The following HOXA2 variants were observed in gnomAD, a reference collection of about 807,000 sequenced individuals.
HOXA2 encodes homeobox protein Hox-A2.
A neutral mutation model predicts 27.2 loss-of-function variants in HOXA2; 4 were observed. The observed-to-expected ratio is 0.15, with a 90% CI of 0.07 to 0.34. The LOEUF is 0.34. Among genes scored for constraint, HOXA2 ranks in the 10% least tolerant of loss-of-function variants. The pLI, the probability that HOXA2 is intolerant of heterozygous loss-of-function variation, is 1.00. For missense variants in HOXA2, 430 were observed against 473.2 expected (o/e 0.91, Z 0.85); for synonymous variants, 200 against 202.8 (o/e 0.99, Z 0.12).
chr7:27,101,329 A>G lies in HOXA2; in HGVS notation c.528T>C (p.Ile176=). The G allele has an allele frequency of 6.2e-7, 1 of 1,614,014 alleles. No individual in the cohort carries two copies. Residue 176 remains isoleucine, a synonymous_variant, in exon 2 of 2, where the codon ATT becomes ATC. Transcript: ENST00000222718. ...KYLCRPRRVE[I]AALLDLTERQ... The stretch of plus-strand genomic sequence containing the variant: ...TCTCAGTCAAATCCAGCAGCGCTGC[A>G]ATCTCCACCCTTCGGGGTCTGCAAA...
chr7:27,102,315 G>T lies in HOXA2; in HGVS notation c.186C>A (p.Gly62=). The T allele has an allele frequency of 6.2e-7, 1 of 1,613,136 alleles. No individual in the cohort carries two copies. The highest frequency in any genetic ancestry group is 2.2e-5 in the East Asian group (1 of 44,796). The part of the protein sequence containing the change: ...FEQTIPSLNP[G]SHPRHGAGGR... Reference sequence around the variant, plus strand: ...CGCCAGCGCCGTGGCGAGGGTGACTGCCGGGGTTCAGGCTGGGAATGGTCT... The same window carrying T: ...CGCCAGCGCCGTGGCGAGGGTGACTTCCGGGGTTCAGGCTGGGAATGGTCT... The change falls in exon 1 of 2, where the codon GGC becomes GGA. Residue 62 remains glycine (G), a synonymous_variant. Transcript: ENST00000222718. The surrounding 1 kb of genome is among the most constrained non-coding windows in gnomAD (Gnocchi z 4.6).
Position 27,100,690 on chromosome 7 carries a change from TTTTG to T in HOXA2, c.*32_*35del, listed in dbSNP as rs1562702848. On this transcript the variant is annotated 3_prime_UTR_variant, in exon 2 of 2. Coordinates refer to ENST00000222718, the MANE Select transcript of HOXA2 (RefSeq NM_006735.4). ...GGCAAAACCACCTGGTCAAAGGAGT[TTTTG>T]TTTGGTGATGCTTTGTTTTGCTTTA... 1 of 1,612,706 alleles carries T rather than the reference TTTTG, an allele frequency of 6.2e-7. No homozygotes were observed. Among genetic ancestry groups the T allele is most frequent in the African/African-American group, 1.3e-5 (1 of 74,800 alleles).
intron 1 of HOXA2, 97 bp from the exon 2 acceptor site, chr7:27,101,562 A>T: frequency 7.1e-7 from 1 of 1,408,830 alleles, no homozygotes; most frequent in Non-Finnish European, 9.8e-7. Context: ...AGCAGAAAAG[A>T]TCAACTGCAA....
Position 27,101,225 on chromosome 7 carries a change from T to C in HOXA2, c.632A>G (p.Glu211Gly), listed in dbSNP as rs1783920930. The C allele has an allele frequency of 1.2e-6, 2 of 1,614,214 alleles. No homozygotes were observed. The highest frequency in any genetic ancestry group is 1.7e-6 in the Non-Finnish European group (2 of 1,180,034). ...QTQCKENQNS[E>G]GKCKSLEDSE... is the part of the protein sequence containing the mutation. ...GTCCTCAAGGCTTTTACATTTCCCTTCGCTGTTTTGGTTTTCCTTGCACTG... is the reference window on the plus strand; with the variant it reads ...GTCCTCAAGGCTTTTACATTTCCCTCCGCTGTTTTGGTTTTCCTTGCACTG... Residue 211 changes from glutamate to glycine, a missense_variant, in exon 2 of 2, where the codon GAA becomes GGA. Glu to Gly is a moderately conservative substitution (Grantham distance 98). Around this residue, in one of 4 missense-constraint regions of HOXA2, gnomAD observed 236 missense variants for 208.5 expected, o/e 1.13. Transcript: ENST00000222718.
In HOXA2 at chr7:27,100,723, T is replaced by A; in HGVS notation, c.*3A>T. On this transcript the variant is annotated 3_prime_UTR_variant, in exon 2 of 2. Coordinates refer to ENST00000222718, the MANE Select transcript of HOXA2 (RefSeq NM_006735.4). Reference sequence around the variant, plus strand: ...GGTGATGCTTTGTTTTGCTTTAATGTTTTTAGTAATTCAGATGCTGCAAGT... The same window carrying A: ...GGTGATGCTTTGTTTTGCTTTAATGATTTTAGTAATTCAGATGCTGCAAGT... 1.2e-6 allele frequency: 2 copies of A among 1,614,160 alleles called. No homozygotes were observed. Among genetic ancestry groups the A allele is most frequent in the Non-Finnish European group, 1.7e-6 (2 of 1,180,034 alleles).
chr7:27,101,718 A>G (rs1212784363), intron 1 of HOXA2: 2 of 658,412 alleles, frequency 3.0e-6, no homozygotes, highest in Non-Finnish European at 5.5e-6. Context: ...ACTTTATATT[A>G]GCCACAACAC....
At position 27,100,980 on chromosome 7, in the gene HOXA2, T is replaced by G. The variant is rs754800647; in HGVS notation, c.877A>C (p.Thr293Pro). Residue 293 changes from threonine (T) to proline (P), a missense_variant, in exon 2 of 2, where the codon ACT becomes CCT. Thr to Pro is a conservative substitution (Grantham distance 38). Coordinates refer to ENST00000222718, the MANE Select transcript of HOXA2 (RefSeq NM_006735.4). ...NLKHFQHQSP[T>P]VPNCLSTMGQ... ...ATTGTTGACAAGCAGTTGGGAACAGTGGGTGACTGGTGCTGAAAATGTTTC... is the reference window on the plus strand; with the variant it reads ...ATTGTTGACAAGCAGTTGGGAACAGGGGGTGACTGGTGCTGAAAATGTTTC... 6 of 1,614,098 alleles carry G rather than the reference T, an allele frequency of 3.7e-6. No homozygotes were observed. The highest frequency in any genetic ancestry group is 4.2e-6 in the Non-Finnish European group (5 of 1,180,046).
At position 27,102,549 on chromosome 7, in the gene HOXA2, G is replaced by T. The variant is rs987720784; in HGVS notation, c.-49C>A. 18 of 1,583,506 alleles carry T rather than the reference G, an allele frequency of 1.1e-5. No individual in the cohort carries two copies. The highest frequency in any genetic ancestry group is 1.5e-5 in the Non-Finnish European group (17 of 1,158,604). On this transcript the variant is annotated 5_prime_UTR_variant, in exon 1 of 2. Coordinates refer to ENST00000222718, the MANE Select transcript of HOXA2 (RefSeq NM_006735.4). The surrounding 1 kb of genome is among the most constrained non-coding windows in gnomAD (Gnocchi z 4.6). ...AGAGAAAAAGTTCCCTCTTTTGGAG[G>T]GGCTTTGGGGGGGCAAGGCCTAGGA... is the stretch of plus-strand genomic sequence containing the variant.
chr7:27,100,689 T>C lies in HOXA2; in HGVS notation c.*37A>G, dbSNP rs1376127059. The C allele has an allele frequency of 1.9e-6, 3 of 1,610,710 alleles. No individual in the cohort carries two copies. The highest frequency in any genetic ancestry group is 2.5e-6 in the Non-Finnish European group (3 of 1,178,392). ...AGGCAAAACCACCTGGTCAAAGGAG[T>C]TTTTGTTTGGTGATGCTTTGTTTTG... On this transcript the variant is annotated 3_prime_UTR_variant, in exon 2 of 2. Coordinates refer to ENST00000222718, the MANE Select transcript of HOXA2 (RefSeq NM_006735.4).
Position 27,100,773 on chromosome 7 carries a change from A to G in HOXA2, c.1084T>C (p.Phe362Leu), listed in dbSNP as rs1447596337. 1.2e-6 allele frequency: 2 copies of G among 1,614,198 alleles called. No homozygotes were observed. ...TCGATTGTGGTGAGTGTGTCTGTAAAAAAGTCTAAGCTGTCAGCTGAAATA... is the reference window on the plus strand; with the variant it reads ...TCGATTGTGGTGAGTGTGTCTGTAAGAAAGTCTAAGCTGTCAGCTGAAATA... ...VDISADSLDF[F>L]TDTLTTIDLQ... Residue 362 changes from phenylalanine to leucine, a missense_variant, in exon 2 of 2, where the codon TTT becomes CTT. Phe to Leu is a conservative substitution (Grantham distance 22, BLOSUM62 0). This residue lies in a region of HOXA2 where 236 missense variants were observed against 208.5 expected (regional missense o/e 1.13). Transcript: ENST00000222718.
In HOXA2 at chr7:27,101,419, C is replaced by G; in HGVS notation, c.438G>C (p.Leu146=). ...ADGSGGGSRR[L]RTAYTNTQLL... ...GCTGTGTGTTGGTGTAAGCAGTTCT[C>G]AGGCGCCGCGATCCCCCGCCGCTGC... The change falls in exon 2 of 2, where the codon CTG becomes CTC. Residue 146 remains leucine, a synonymous_variant. Coordinates refer to ENST00000222718, the MANE Select transcript of HOXA2 (RefSeq NM_006735.4). 1 of 1,601,854 alleles carries G rather than the reference C, an allele frequency of 6.2e-7. No individual in the cohort carries two copies. The highest frequency in any genetic ancestry group is 8.5e-7 in the Non-Finnish European group (1 of 1,179,966).
rs1332820998 is a variant in HOXA2, at chr7:27,100,382, CA to C, written c.*343del. On this transcript the variant is annotated 3_prime_UTR_variant, in exon 2 of 2. Coordinates refer to ENST00000222718, the MANE Select transcript of HOXA2 (RefSeq NM_006735.4). The stretch of plus-strand genomic sequence containing the variant: ...TTATAGCAAAGGAGAATTTATTCTA[CA>C]AAAAATATGCATGACAATGCATCCC... The C allele has an allele frequency of 1.8e-5, 4 of 225,126 alleles. No individual in the cohort carries two copies. The highest frequency in any genetic ancestry group is 3.6e-5 in the Non-Finnish European group (4 of 112,418). The allele number at this position is 225,126 out of a possible 1,614,324, so 13.9% of individuals were successfully genotyped here. A position where few individuals can be genotyped will look rare whatever the true frequency, so the allele number is the denominator to read the frequency against.
chr7:27,100,816 G>C lies in HOXA2; in HGVS notation c.1041C>G (p.Ser347=). The C allele has an allele frequency of 6.2e-7, 1 of 1,614,208 alleles. No individual in the cohort carries two copies. The highest frequency in any genetic ancestry group is 1.1e-5 in the South Asian group (1 of 91,082). Residue 347 remains serine (S), a synonymous_variant, in exon 2 of 2, where the codon TCC becomes TCG. Transcript: ENST00000222718. ...CTGAAATATCTACGGGACTGTCGAG[G>C]GAACCTGGCAAACTGGGTGAAACTG... ...SDAVSPSLPG[S]LDSPVDISAD...
In HOXA2 at chr7:27,102,354, A is replaced by C; in HGVS notation, c.147T>G (p.Pro49=). 1 of 1,614,018 alleles carries C rather than the reference A, an allele frequency of 6.2e-7. No homozygotes were observed. Among genetic ancestry groups the C allele is most frequent in the Non-Finnish European group, 8.5e-7 (1 of 1,179,948 alleles). ...TGGGAATGGTCTGCTCAAAAGGAGGAGGAATCAGTGTCGAGTGTGAAAGCG... is the reference window on the plus strand; with the variant it reads ...TGGGAATGGTCTGCTCAAAAGGAGGCGGAATCAGTGTCGAGTGTGAAAGCG... ...TSTLSHSTLI[P]PPFEQTIPSL... is the part of the protein sequence containing the mutation. Residue 49 remains proline (P), a synonymous_variant, in exon 1 of 2, where the codon CCT becomes CCG. Transcript: ENST00000222718. This position sits in a 1 kb window ranked among gnomAD's most constrained non-coding sequence, Gnocchi z 4.6.
chr7:27,101,054 T>C lies in HOXA2; in HGVS notation c.803A>G (p.Asp268Gly). 4 of 1,613,880 alleles carry C rather than the reference T, an allele frequency of 2.5e-6. No individual in the cohort carries two copies. Among genetic ancestry groups the C allele is most frequent in the Non-Finnish European group, 3.4e-6 (4 of 1,180,004 alleles). The change falls in exon 2 of 2, where the codon GAC becomes GGC. Residue 268 changes from aspartate to glycine, a missense_variant. By Grantham distance (94) the Asp-to-Gly change is moderately conservative. Transcript: ENST00000222718. ...AGGCGAGACTGGGAAACTTTGGGAG[T>C]CGCCATTGTGTCCATTGGGAGCCTG... is the stretch of plus-strand genomic sequence containing the variant. ...QQQAPNGHNG[D>G]SQSFPVSPLT...
Position 27,101,430 on chromosome 7 carries a change from A to G in HOXA2, c.427T>C (p.Ser143Pro), listed in dbSNP as rs1432866173. 4 of 1,600,428 alleles carry G rather than the reference A, an allele frequency of 2.5e-6. No homozygotes were observed. Among genetic ancestry groups the G allele is most frequent in the Non-Finnish European group, 2.5e-6 (3 of 1,179,938 alleles). ...LEIADGSGGG[S>P]RRLRTAYTNT... ...GTGTAAGCAGTTCTCAGGCGCCGCG[A>G]TCCCCCGCCGCTGCCATCGGCGATT... is the stretch of plus-strand genomic sequence containing the variant. The change falls in exon 2 of 2, where the codon TCG becomes CCG. Residue 143 changes from serine (S) to proline (P), a missense_variant. Physicochemically the swap from Ser to Pro is moderately conservative, Grantham distance 74. Around this residue, in one of 4 missense-constraint regions of HOXA2, gnomAD observed 166 missense variants for 207.6 expected, o/e 0.80. Coordinates refer to ENST00000222718, the MANE Select transcript of HOXA2 (RefSeq NM_006735.4).
In HOXA2 at chr7:27,100,916, G is replaced by A. The variant is rs759000598; in HGVS notation, c.941C>T (p.Pro314Leu). Reference protein sequence around the residue: ...NCGAGLNNDSPEALEVPSLQD... With the variant: ...NCGAGLNNDSLEALEVPSLQD... ...CAAAGAGGGGACCTCAAGGGCCTCA[G>A]GACTGTCATTGTTTAGGCCAGCTCC... The change falls in exon 2 of 2, where the codon CCT becomes CTT. Residue 314 changes from proline to leucine, a missense_variant. Physicochemically the swap from Pro to Leu is moderately conservative, Grantham distance 98. Around this residue, in one of 4 missense-constraint regions of HOXA2, gnomAD observed 236 missense variants for 208.5 expected, o/e 1.13. Transcript: ENST00000222718. 3 of 1,614,218 alleles carry A rather than the reference G, an allele frequency of 1.9e-6. No individual in the cohort carries two copies. In the South Asian group the frequency reaches 3.3e-5, roughly 18 times the overall value.
rs1357718522 is a variant in HOXA2, at chr7:27,102,471, A to G, written c.30T>C (p.Gly10=). The G allele has an allele frequency of 6.2e-7, 1 of 1,613,836 alleles. No individual in the cohort carries two copies. Among genetic ancestry groups the G allele is most frequent in the Non-Finnish European group, 8.5e-7 (1 of 1,179,984 alleles). ...CGAGCGACGGCTGGCTATTGATAAA[A>G]CCAATCTCTCGCTCAAATTCGTAAT... The part of the protein sequence containing the change: MNYEFEREI[G]FINSQPSLAE... The change falls in exon 1 of 2, where the codon GGT becomes GGC. Residue 10 remains glycine, a synonymous_variant. Coordinates refer to ENST00000222718, the MANE Select transcript of HOXA2 (RefSeq NM_006735.4). This position sits in a 1 kb window ranked among gnomAD's most constrained non-coding sequence, Gnocchi z 4.6.
rs769835361 is a variant in HOXA2, at chr7:27,102,377, G to C, written c.124C>G (p.Leu42Val). Residue 42 changes from leucine to valine, a missense_variant, in exon 1 of 2, where the codon CTT becomes GTT. By Grantham distance (32) the Leu-to-Val change is conservative. This residue lies in a region of HOXA2 where 166 missense variants were observed against 207.6 expected (regional missense o/e 0.80). Coordinates refer to ENST00000222718, the MANE Select transcript of HOXA2 (RefSeq NM_006735.4). This position sits in a 1 kb window ranked among gnomAD's most constrained non-coding sequence, Gnocchi z 4.6. ...GGAGGAATCAGTGTCGAGTGTGAAAGCGTCGAGGTCTTGATTGATGAACTT... is the reference window on the plus strand; with the variant it reads ...GGAGGAATCAGTGTCGAGTGTGAAACCGTCGAGGTCTTGATTGATGAACTT... ...FQSSSIKTST[L>V]SHSTLIPPPF... 6.2e-7 allele frequency: 1 copy of C among 1,614,180 alleles called. No homozygotes were observed. The highest frequency in any genetic ancestry group is 8.5e-7 in the Non-Finnish European group (1 of 1,180,000).
Sources: allele counts gnomAD v4.1 joint callset, GRCh38; gene constraint gnomAD v4.1.1; regional missense constraint gnomAD v4.1.1; non-coding constraint Gnocchi (gnomAD v3.1); transcripts MANE v1.5; gene names NCBI Gene and HGNC (gene_info 2026-07-23, HGNC 2026-07-21).